PBX3: variants seen among roughly 807,000 people sequenced by gnomAD.
PBX3 encodes pre-B-cell leukemia transcription factor 3.
PBX3 carries 14 observed loss-of-function variants against 48.5 expected under a neutral mutation model. That is an observed-to-expected ratio of 0.29 (90% confidence interval 0.19 to 0.45). PBX3 has a LOEUF of 0.45. Among genes scored for constraint, PBX3 ranks in the 20% least tolerant of loss-of-function variants. PBX3 has a pLI of 1.00. For missense variants in PBX3, 386 were observed against 546.7 expected (o/e 0.71, Z 2.93); for synonymous variants, 210 against 200.3 (o/e 1.05, Z -0.41).
chr9:125,960,848 C>A lies in PBX3; in HGVS notation c.1008C>A (p.Ser336=), dbSNP rs200644689. ...NQTNSPTTPN[S]GSSGSFNLPN... ...CCAATTCGCCCACCACACCAAATTC[C>A]GGTGCGTACTGGGGGCTCGCTCCCC... Residue 336 remains serine (S), a splice_region_variant and synonymous_variant, in exon 6 of 9, where the codon TCC becomes TCA. Transcript: ENST00000373489. 1.9e-6 allele frequency: 3 copies of A among 1,613,656 alleles called. No individual in the cohort carries two copies. The Admixed American group carries it at 5.0e-5, about 27-fold the overall frequency.
chr9:125,865,689 A>G (rs931362314), intron 2 of PBX3, among the ~76,000 whole-genome samples: 1 of 152,206 alleles, frequency 6.6e-6, no homozygotes, highest in Non-Finnish European at 1.5e-5. Context: ...AAAGCTCCTT[A>G]TAAATGGAAG....
intron 2 of PBX3, among the ~76,000 whole-genome samples, chr9:125,774,231 C>T (rs1454204248): frequency 6.6e-6 from 1 of 152,116 alleles, no homozygotes; most frequent in Non-Finnish European, 1.5e-5. Flanking sequence ...CTTGTGAAAA[C>T]TCTATCATGA....
intron 7 of PBX3, among the ~76,000 whole-genome samples, chr9:125,962,555 G>A (rs1431198901): frequency 1.3e-5 from 2 of 152,190 alleles, no homozygotes; most frequent in Non-Finnish European, 2.9e-5. Flanking sequence ...CATTTCTCAA[G>A]TCAGAGTACA....
chr9:125,943,034 C>CT (rs1260217153), intron 5 of PBX3, among the ~76,000 whole-genome samples: 1 of 152,050 alleles, frequency 6.6e-6, no homozygotes, highest in South Asian at 2.1e-4. Flanking sequence ...GAGGAAATCT[C>CT]TAACACTCAG....
chr9:125,796,810 C>T (rs1208138081), intron 2 of PBX3, among the ~76,000 whole-genome samples: 1 of 151,830 alleles, frequency 6.6e-6, no homozygotes, highest in Non-Finnish European at 1.5e-5. Flanking sequence ...TATAATACAC[C>T]GTAAGGACTA....
chr9:125,767,216 T>G (rs1417791026), intron 2 of PBX3, among the ~76,000 whole-genome samples: 1 of 152,240 alleles, frequency 6.6e-6, no homozygotes, highest in Non-Finnish European at 1.5e-5. Context: ...TTCTCTTAGT[T>G]GCAGGTGACC....
chr9:125,891,911 C>CATTTT (rs755800074), intron 2 of PBX3, among the ~76,000 whole-genome samples: 1 of 152,064 alleles, frequency 6.6e-6, no homozygotes. Flanking sequence ...GTTCAATCAG[C>CATTTT]ATTTTATTTT....
chr9:125,901,250 A>G (rs886084917), intron 2 of PBX3, among the ~76,000 whole-genome samples: 1 of 151,742 alleles, frequency 6.6e-6, no homozygotes, highest in Non-Finnish European at 1.5e-5. Flanking sequence ...GATAAATTTC[A>G]TGTTTTAAAA....
chr9:125,921,665 A>G (rs934720432), intron 3 of PBX3, among the ~76,000 whole-genome samples: 5 of 152,186 alleles, frequency 3.3e-5, no homozygotes, highest in African/African-American at 1.2e-4. Flanking sequence ...TATTGGTCTC[A>G]TTCTAGTTGG....
intron 2 of PBX3, among the ~76,000 whole-genome samples, chr9:125,802,656 A>G (rs1837992982): frequency 6.9e-6 from 1 of 144,160 alleles, no homozygotes; most frequent in South Asian, 2.3e-4. Context: ...GGCATTAGCA[A>G]TTGTGCCTGG....
intron 6 of PBX3, among the ~76,000 whole-genome samples, chr9:125,961,550 A>AGGTCTCTTAG (rs1842431222): frequency 6.6e-6 from 1 of 152,238 alleles, no homozygotes; most frequent in Admixed American, 6.5e-5. Flanking sequence ...GTTTCTGAGA[A>AGGTCTCTTAG]GGTCTCTTAG....
In PBX3 at chr9:125,751,347, A is replaced by G. The variant is rs930110878; in HGVS notation, c.274+2724A>G. On this transcript the variant is annotated intron_variant, in intron 2 of 8. Coordinates refer to ENST00000373489, the MANE Select transcript of PBX3 (RefSeq NM_006195.6). ...AAATCTGTTTATTTGTAGCTCTGCC[A>G]GTGGATTTTGAGGTTTCTGATCAGG... Among the ~76,000 whole-genome samples, 3 of 152,196 alleles carry G rather than the reference A, an allele frequency of 2.0e-5. No homozygotes were observed. In the East Asian group the frequency reaches 5.8e-4, roughly 29 times the overall value.
At chr9:125,761,031 G>A (rs965280414) in intron 2 of PBX3, among the ~76,000 whole-genome samples, 24 of 152,170 alleles carry the variant, frequency 1.6e-4, no homozygotes, top group African/African-American at 5.3e-4. Context: ...CCACTGGAAC[G>A]TTTTATCATA....
chr9:125,916,010 T>C lies in PBX3; in HGVS notation c.516+83T>C, dbSNP rs1307980297. The C allele has an allele frequency of 2.6e-6, 4 of 1,541,544 alleles. No individual in the cohort carries two copies. The African/African-American group carries it at 5.5e-5, about 21-fold the overall frequency. ...CCATGCTAACCAATTCTGAGGGCTG[T>C]GAGGGGTAGGTGTTAACACAAATTA... On this transcript the variant is annotated intron_variant, in intron 3 of 8. Coordinates refer to ENST00000373489, the MANE Select transcript of PBX3 (RefSeq NM_006195.6).
intron 5 of PBX3, among the ~76,000 whole-genome samples, chr9:125,940,619 T>A (rs1482698981): frequency 6.6e-6 from 1 of 152,198 alleles, no homozygotes; most frequent in Non-Finnish European, 1.5e-5. Context: ...GGAAAATAGG[T>A]AAACCAGTAT....
intron 2 of PBX3, among the ~76,000 whole-genome samples, chr9:125,855,387 A>G (rs1283075965): frequency 1.3e-5 from 2 of 152,130 alleles, no homozygotes; most frequent in Admixed American, 6.5e-5. Context: ...ATCTAGTAAC[A>G]TATTTACAGA....
intron 2 of PBX3, among the ~76,000 whole-genome samples, chr9:125,859,879 T>C (rs985940350): frequency 6.6e-6 from 1 of 152,110 alleles, no homozygotes; most frequent in African/African-American, 2.4e-5. Context: ...GTTGGTGAGC[T>C]CTTCTTATAT....
chr9:125,849,861 C>T (rs564590392), intron 2 of PBX3, among the ~76,000 whole-genome samples: 3 of 152,010 alleles, frequency 2.0e-5, no homozygotes, highest in Non-Finnish European at 2.9e-5. Flanking sequence ...GCAGCTTTAA[C>T]GTTTTTACTT....
intron 5 of PBX3, among the ~76,000 whole-genome samples, chr9:125,955,388 A>G (rs980562795): frequency 4.6e-5 from 7 of 152,218 alleles, no homozygotes; most frequent in South Asian, 2.1e-4. Context: ...CCCAACAGAA[A>G]TGTTCTCTCA....
Sources: allele counts gnomAD v4.1 joint callset (sites outside exome capture counted in the v4.1 genomes callset), GRCh38; gene constraint gnomAD v4.1.1; transcripts MANE v1.5; gene names NCBI Gene and HGNC (gene_info 2026-07-23, HGNC 2026-07-21).